Variants in ACAP2 observed in about 807,000 individuals in gnomAD.
The protein encoded by ACAP2 is arf-GAP with coiled-coil, ANK repeat and PH domain-containing protein 2.
ACAP2 carries 39 observed loss-of-function variants against 115.8 expected under a neutral mutation model. The observed-to-expected ratio is 0.34, with a 90% CI of 0.26 to 0.44. ACAP2 has a LOEUF of 0.44. Ranked by LOEUF, ACAP2 falls within the 20% of genes least tolerant of loss-of-function variation. The pLI is 1.00. For missense variants in ACAP2, 662 were observed against 927.6 expected (o/e 0.71, Z 3.72); for synonymous variants, 289 against 315.8 (o/e 0.92, Z 0.90).
At chr3:195,399,862 A>G (rs1306713814) in intron 1 of ACAP2, among the ~76,000 whole-genome samples, 2 of 152,152 alleles carry the variant, frequency 1.3e-5, no homozygotes, top group Non-Finnish European at 2.9e-5. Flanking sequence ...AAAATTTAAA[A>G]AAAGGAAGAA....
chr3:195,427,527 C>G (rs1412262000), intron 1 of ACAP2, among the ~76,000 whole-genome samples: 2 of 151,970 alleles, frequency 1.3e-5, no homozygotes, highest in Admixed American at 1.3e-4. Flanking sequence ...CAAGGTATAG[C>G]CTATATGGTT....
At chr3:195,424,136 T>C (rs926157103) in intron 1 of ACAP2, among the ~76,000 whole-genome samples, 25 of 151,266 alleles carry the variant, frequency 1.7e-4, no homozygotes, top group African/African-American at 5.6e-4. Flanking sequence ...ACTTAATAGT[T>C]GTGTTCTCTG....
chr3:195,304,534 A>G (rs13099106), intron 13 of ACAP2, among the ~76,000 whole-genome samples: 69,777 of 152,040 alleles, frequency 0.46, 17,814 homozygotes, highest in Middle Eastern at 0.69. Flanking sequence ...CCATGCCACT[A>G]GGGGATGACT....
intron 1 of ACAP2, among the ~76,000 whole-genome samples, chr3:195,436,771 A>T (rs1383266023): frequency 6.6e-6 from 1 of 152,180 alleles, no homozygotes; most frequent in African/African-American, 2.4e-5. Flanking sequence ...CGCACATCAC[A>T]AAAGGGATGT....
chr3:195,298,250 CTCTTTTT>C (rs1358765333), intron 15 of ACAP2, among the ~76,000 whole-genome samples: 2 of 119,226 alleles, frequency 1.7e-5, no homozygotes, highest in East Asian at 2.8e-4. Flanking sequence ...CCTTTCTCTC[CTCTTTTT>C]TTTTTTTTTT....
intron 1 of ACAP2, among the ~76,000 whole-genome samples, chr3:195,412,164 CAAAAAAAAAAA>C (rs869120673): frequency 2.1e-4 from 10 of 48,568 alleles, no homozygotes; most frequent in Non-Finnish European, 1.2e-4. Context: ...GACCCTGTCT[CAAAAAAAAAAA>C]AAAAAAAAAA....
intron 1 of ACAP2, among the ~76,000 whole-genome samples, chr3:195,409,181 T>C (rs1386436479): frequency 1.3e-5 from 2 of 151,972 alleles, no homozygotes; most frequent in African/African-American, 4.8e-5. Flanking sequence ...CCTTATTTTG[T>C]ATGTAGAAAA....
chr3:195,386,759 C>T (rs1223838820), intron 2 of ACAP2, among the ~76,000 whole-genome samples: 1 of 151,760 alleles, frequency 6.6e-6, no homozygotes, highest in African/African-American at 2.4e-5. Context: ...TGTTACAAAC[C>T]TGCACATTCT....
At chr3:195,310,755 T>C (rs1433917147) in intron 10 of ACAP2, among the ~76,000 whole-genome samples, 1 of 152,230 alleles carries the variant, frequency 6.6e-6, no homozygotes, top group Non-Finnish European at 1.5e-5. Context: ...CTAAGGATCA[T>C]ATGTATTTCT....
chr3:195,403,605 T>C (rs1202492559), intron 1 of ACAP2, among the ~76,000 whole-genome samples: 3 of 152,244 alleles, frequency 2.0e-5, no homozygotes, highest in African/African-American at 7.2e-5. Flanking sequence ...ATGAATTAGA[T>C]GTGATATGCA....
chr3:195,308,765 GTTTCA>G lies in ACAP2; in HGVS notation c.909+16_909+20del. ...TAACTGAAACTGGTAACTCACTGGG[GTTTCA>G]TTTATTAACACCTACCTTAAATTTT... On this transcript the variant is annotated intron_variant, in intron 11 of 22. Coordinates refer to ENST00000326793, the MANE Select transcript of ACAP2 (RefSeq NM_012287.6). The G allele has an allele frequency of 6.3e-7, 1 of 1,598,464 alleles. No homozygotes were observed. Among genetic ancestry groups the G allele is most frequent in the Non-Finnish European group, 8.6e-7 (1 of 1,168,968 alleles).
At chr3:195,321,216 C>CTTTTTTTTTT (rs34165362) in intron 9 of ACAP2, among the ~76,000 whole-genome samples, 2 of 102,244 alleles carry the variant, frequency 2.0e-5, no homozygotes, top group Non-Finnish European at 3.7e-5. Flanking sequence ...TTTATCACAA[C>CTTTTTTTTTT]TTTTTTTTTT....
intron 4 of ACAP2, among the ~76,000 whole-genome samples, chr3:195,373,223 C>G (rs1344116280): frequency 6.7e-6 from 1 of 149,988 alleles, no homozygotes; most frequent in Non-Finnish European, 1.5e-5. Context: ...CCCAGAAGTT[C>G]GTTTAAAAAT....
chr3:195,419,989 T>A (rs891643747), intron 1 of ACAP2, among the ~76,000 whole-genome samples: 1 of 152,238 alleles, frequency 6.6e-6, no homozygotes, highest in African/African-American at 2.4e-5. Flanking sequence ...TAGTCTTGCA[T>A]GTTTGTTCTT....
At chr3:195,438,193 T>A (rs1715713862) in intron 1 of ACAP2, among the ~76,000 whole-genome samples, 1 of 151,448 alleles carries the variant, frequency 6.6e-6, no homozygotes, top group Non-Finnish European at 1.5e-5. Context: ...GCCCACCTAA[T>A]TTTTTTGTAT....
intron 4 of ACAP2, among the ~76,000 whole-genome samples, chr3:195,361,844 C>T (rs1317901185): frequency 6.6e-6 from 1 of 152,070 alleles, no homozygotes; most frequent in Non-Finnish European, 1.5e-5. Context: ...GACATTATAA[C>T]CCATACTGCA....
intron 22 of ACAP2, among the ~76,000 whole-genome samples, chr3:195,281,838 T>C (rs115443560): frequency 1.3e-5 from 2 of 152,218 alleles, no homozygotes; most frequent in African/African-American, 4.8e-5. Context: ...AGATGTTGAA[T>C]TAAAATATGT....
chr3:195,404,295 A>G (rs1215099814), intron 1 of ACAP2, among the ~76,000 whole-genome samples: 2 of 152,240 alleles, frequency 1.3e-5, no homozygotes, highest in African/African-American at 2.4e-5. Flanking sequence ...AGGACTAAGA[A>G]TTAACATCAG....
chr3:195,339,597 A>G (rs1730737683), intron 6 of ACAP2, among the ~76,000 whole-genome samples: 1 of 151,790 alleles, frequency 6.6e-6, no homozygotes, highest in African/African-American at 2.4e-5. Context: ...ATACATTTGG[A>G]TATCTATTAC....
Sources: gnomAD v4.1 joint callset for allele counts (sites outside exome capture counted in the v4.1 genomes callset) on GRCh38, gnomAD v4.1.1 for gene constraint, MANE v1.5 for transcripts, NCBI Gene and HGNC (gene_info 2026-07-23, HGNC 2026-07-21) for gene names.